TRMT10B: variants seen among roughly 807,000 people sequenced by gnomAD.
TRMT10B encodes tRNA methyltransferase 10 homolog B.
TRMT10B carries 33 observed loss-of-function variants against 43.8 expected under a neutral mutation model. That is an observed-to-expected ratio of 0.75 (90% confidence interval 0.57 to 1.01). TRMT10B has a LOEUF of 1.01. Ranked by LOEUF, TRMT10B falls within the 50% of genes least tolerant of loss-of-function variation. TRMT10B has a pLI of 0.00. For synonymous variants in TRMT10B, 137 were observed against 130.6 expected, an observed-to-expected ratio of 1.05 and a Z score of -0.34; for missense variants, 362 against 369.8, an observed-to-expected ratio of 0.98 and a Z score of 0.17.
chr9:37,769,178 C>T (rs907771283), intron 5 of TRMT10B, among the ~76,000 whole-genome samples: 9 of 151,748 alleles, frequency 5.9e-5, no homozygotes, highest in South Asian at 2.1e-4. Context: ...TGCAGTGGTG[C>T]GCGCCTGTAG....
In TRMT10B at chr9:37,763,505, G is replaced by A. The variant is rs554179227; in HGVS notation, c.296-124G>A. ...ACTCTGTGTAAATCTTCTAATGAAC[G>A]AATACCTTACATCAGTATCAAGTTT... On this transcript the variant is annotated intron_variant, in intron 3 of 8. Coordinates refer to ENST00000297994, the MANE Select transcript of TRMT10B (RefSeq NM_144964.4). 1.2e-5 allele frequency: 9 copies of A among 758,924 alleles called. No individual in the cohort carries two copies. The East Asian group carries it at 1.6e-4, about 14-fold the overall frequency. The allele number at this position is 758,924 out of a possible 1,614,324, so 47.0% of individuals were successfully genotyped here.
intron 7 of TRMT10B, among the ~76,000 whole-genome samples, chr9:37,771,504 A>G (rs1019335526): frequency 2.0e-5 from 3 of 152,236 alleles, no homozygotes; most frequent in East Asian, 1.9e-4. Context: ...TATATTTAAC[A>G]CAGATGATAG....
chr9:37,768,726 C>G (rs552506404), intron 5 of TRMT10B, among the ~76,000 whole-genome samples: 4 of 152,288 alleles, frequency 2.6e-5, no homozygotes, highest in African/African-American at 9.6e-5. Context: ...CATTGTGTAG[C>G]TGAGACTGAG....
chr9:37,768,352 C>T (rs2118850220), intron 5 of TRMT10B, 124 bp downstream of exon 5: 2 of 1,114,816 alleles, frequency 1.8e-6, no homozygotes, highest in Non-Finnish European at 1.3e-6. Flanking sequence ...AAATTCAGAA[C>T]CTCTCATAAG....
intron 2 of TRMT10B, among the ~76,000 whole-genome samples, chr9:37,762,376 C>T (rs1826443342): frequency 6.6e-6 from 1 of 152,154 alleles, no homozygotes; most frequent in Non-Finnish European, 1.5e-5. Context: ...TTTTCTGTGA[C>T]CTTGACCAGG....
chr9:37,759,355 GA>G (rs1191715789), intron 1 of TRMT10B, among the ~76,000 whole-genome samples: 4 of 152,184 alleles, frequency 2.6e-5, no homozygotes, highest in South Asian at 2.1e-4. Flanking sequence ...ATTTTGAGGG[GA>G]AAAAAGTCAA....
Position 37,762,617 on chromosome 9 carries a change from T to G in TRMT10B, c.227T>G (p.Val76Gly). ...AAACAGAGACACTGGGAAAAGATAG[T>G]TGCAGCAAAGAAGAGCAAAAGAAAG... ...QRKQRHWEKI[V>G]AAKKSKRKQE... The change falls in exon 3 of 9, where the codon GTT (valine) becomes GGT (glycine). Residue 76 changes from valine (V) to glycine (G), a missense_variant. By Grantham distance (109) the Val-to-Gly change is moderately radical. Coordinates refer to ENST00000297994, the MANE Select transcript of TRMT10B (RefSeq NM_144964.4). The G allele has an allele frequency of 1.3e-6, 2 of 1,597,980 alleles. No individual in the cohort carries two copies. The highest frequency in any genetic ancestry group is 1.7e-6 in the Non-Finnish European group (2 of 1,171,522).
At chr9:37,755,760 CATG>C (rs1224620493) in intron 1 of TRMT10B, among the ~76,000 whole-genome samples, 3 of 151,826 alleles carry the variant, frequency 2.0e-5, no homozygotes, top group African/African-American at 7.3e-5. Flanking sequence ...TTTGGAGAAA[CATG>C]AGGTAAAAGG....
rs113157244 is a variant in TRMT10B, at chr9:37,758,271, G to T, written c.-29-3632G>T. On this transcript the variant is annotated intron_variant, in intron 1 of 8. Transcript: ENST00000297994. ...TACTAAAAATACAAAAATTAGCTGG[G>T]CATGGTGGTGTGCACCTGTAGTCCC... is the stretch of plus-strand genomic sequence containing the variant. 8.2e-3 allele frequency among the ~76,000 whole-genome samples: 1,241 copies of T among 152,216 alleles called. 15 individuals carry two copies. Among genetic ancestry groups the T allele is most frequent in the African/African-American group, 0.028 (1,171 of 41,542 alleles).
At chr9:37,775,966 T>C (rs1015972772) in intron 7 of TRMT10B, among the ~76,000 whole-genome samples, 3 of 152,212 alleles carry the variant, frequency 2.0e-5, no homozygotes, top group African/African-American at 7.2e-5. Context: ...ATATCCAGAA[T>C]TGGGTCTTAC....
chr9:37,757,959 G>GT (rs1277173052), intron 1 of TRMT10B, among the ~76,000 whole-genome samples: 20 of 152,166 alleles, frequency 1.3e-4, no homozygotes, highest in African/African-American at 4.8e-4. Context: ...AACAACTAAA[G>GT]TTTGGCCCAA....
intron 6 of TRMT10B, 78 bp downstream of exon 6, chr9:37,770,097 G>C: frequency 7.4e-7 from 1 of 1,348,212 alleles, no homozygotes; most frequent in South Asian, 1.2e-5. Context: ...ATTTATTAAA[G>C]CCCCTCAAGA....
intron 7 of TRMT10B, among the ~76,000 whole-genome samples, chr9:37,771,683 G>C (rs1827599059): frequency 6.6e-6 from 1 of 152,162 alleles, no homozygotes; most frequent in Non-Finnish European, 1.5e-5. Flanking sequence ...TGACTCAGTT[G>C]AAAGAAAGGT....
At chr9:37,755,227 C>T (rs1174328271) in intron 1 of TRMT10B, among the ~76,000 whole-genome samples, 4 of 150,296 alleles carry the variant, frequency 2.7e-5, no homozygotes, top group South Asian at 2.1e-4. Flanking sequence ...GTCGAGATCG[C>T]GCCACTGCAC....
upstream of TRMT10B, among the ~76,000 whole-genome samples, chr9:37,752,977 T>G (rs375233977): frequency 6.6e-6 from 1 of 152,136 alleles, no homozygotes; most frequent in African/African-American, 2.4e-5. Context: ...TGCTAACCCT[T>G]TGGGTCCCTA....
At chr9:37,753,368 T>G (rs1372583930), upstream of TRMT10B, among the ~76,000 whole-genome samples, 1 of 152,204 alleles carries the variant, frequency 6.6e-6, no homozygotes, top group African/African-American at 2.4e-5. Flanking sequence ...CCGCAAGGGA[T>G]GGGATATAAT....
chr9:37,771,876 G>GTTTTT (rs74171525), intron 7 of TRMT10B, among the ~76,000 whole-genome samples: 2 of 149,014 alleles, frequency 1.3e-5, no homozygotes, highest in African/African-American at 2.5e-5. Context: ...GACAGAAAAT[G>GTTTTT]TTTTTTTTTT....
At chr9:37,762,858 T>C (rs1416519489) in intron 3 of TRMT10B, among the ~76,000 whole-genome samples, 173 bp downstream of exon 3, 1 of 151,322 alleles carries the variant, frequency 6.6e-6, no homozygotes, top group Non-Finnish European at 1.5e-5. Flanking sequence ...TGTAGCTGGG[T>C]GTGGTGGCTC....
At chr9:37,759,854 T>C (rs1393127683) in intron 1 of TRMT10B, among the ~76,000 whole-genome samples, 1 of 152,176 alleles carries the variant, frequency 6.6e-6, no homozygotes, top group Non-Finnish European at 1.5e-5. Flanking sequence ...AAACGTTCCA[T>C]ATCTTGACAG....
Sources: gnomAD v4.1 joint callset for allele counts (sites outside exome capture counted in the v4.1 genomes callset) on GRCh38, gnomAD v4.1.1 for gene constraint, MANE v1.5 for transcripts, NCBI Gene and HGNC (gene_info 2026-07-23, HGNC 2026-07-21) for gene names.